SLC25A26: variants seen among roughly 807,000 people sequenced by gnomAD.
SLC25A26 encodes the protein solute carrier family 25 member 26, also known as mitochondrial S-adenosylmethionine carrier protein.
Under a neutral mutation model 37.8 loss-of-function variants are expected in SLC25A26, and 36 were observed. The observed-to-expected ratio is 0.95, with a 90% confidence interval of 0.73 to 1.26. The LOEUF is 1.26. Among genes scored for constraint, SLC25A26 ranks in the 50% most tolerant of loss-of-function variants. SLC25A26 has a pLI of 0.00. For synonymous variants in SLC25A26, 129 were observed against 122.5 expected, an observed-to-expected ratio of 1.05 and a Z score of -0.35; for missense variants, 390 against 331.1, an observed-to-expected ratio of 1.18 and a Z score of -1.38.
chr3:66,165,438 T>C (rs2070412612), intron 1 of SLC25A26, among the ~76,000 whole-genome samples: 1 of 152,198 alleles, frequency 6.6e-6, no homozygotes, highest in South Asian at 2.1e-4. Flanking sequence ...CCATAGATAA[T>C]GAATACAGAG....
chr3:66,317,289 G>A (rs2075566230), intron 5 of SLC25A26, among the ~76,000 whole-genome samples: 1 of 152,154 alleles, frequency 6.6e-6, no homozygotes, highest in Non-Finnish European at 1.5e-5. Flanking sequence ...TGGGGTTTGT[G>A]TGGGTCTTTT....
chr3:66,286,535 A>G (rs1013797146), intron 5 of SLC25A26, among the ~76,000 whole-genome samples: 1 of 152,098 alleles, frequency 6.6e-6, no homozygotes, highest in Non-Finnish European at 1.5e-5. Flanking sequence ...TGGAAGAAAT[A>G]TATATATTAA....
At chr3:66,367,994 C>G (rs2076862562) in intron 7 of SLC25A26, among the ~76,000 whole-genome samples, 1 of 152,162 alleles carries the variant, frequency 6.6e-6, no homozygotes, top group African/African-American at 2.4e-5. Flanking sequence ...GTGTGACATT[C>G]AGGGGTAACC....
chr3:66,135,576 T>C (rs1426175769), intron 1 of SLC25A26, among the ~76,000 whole-genome samples: 1 of 152,214 alleles, frequency 6.6e-6, no homozygotes, highest in African/African-American at 2.4e-5. Context: ...GAGACCAGAC[T>C]GGGCAACAAA....
At chr3:66,195,348 G>C (rs1338813992) in intron 1 of SLC25A26, among the ~76,000 whole-genome samples, 1 of 152,220 alleles carries the variant, frequency 6.6e-6, no homozygotes, top group Non-Finnish European at 1.5e-5. Flanking sequence ...TCCAGGTGCA[G>C]CTGCTGCCAA....
intron 5 of SLC25A26, among the ~76,000 whole-genome samples, chr3:66,327,259 C>T (rs924060965): frequency 2.6e-5 from 4 of 152,050 alleles, no homozygotes; most frequent in East Asian, 1.9e-4. Context: ...AAAGAAAGGC[C>T]GTTAATATTC....
At chr3:66,233,976 G>A (rs1442662852) in intron 1 of SLC25A26, among the ~76,000 whole-genome samples, 1 of 152,200 alleles carries the variant, frequency 6.6e-6, no homozygotes, top group Non-Finnish European at 1.5e-5. Context: ...GAGAAAATTA[G>A]AGTGAAGTGC....
chr3:66,346,436 T>G (rs1177083136), intron 6 of SLC25A26, 28 bp downstream of exon 6: 2 of 1,277,908 alleles, frequency 1.6e-6, no homozygotes, highest in Non-Finnish European at 1.1e-6. Context: ...CACATAAAAT[T>G]TGTCTCTAAT....
At chr3:66,329,759 G>A (rs961459379) in intron 5 of SLC25A26, among the ~76,000 whole-genome samples, 1 of 152,028 alleles carries the variant, frequency 6.6e-6, no homozygotes, top group African/African-American at 2.4e-5. Context: ...ATGAGCTAGA[G>A]CCTTGCTCCA....
At position 66,168,823 on chromosome 3, in the gene SLC25A26, T is replaced by C. The variant is rs1270387668; in HGVS notation, c.-354+34839T>C. Reference sequence around the variant, plus strand: ...CATGCAGGTTTTCCTGATAGGGTATTTGATAATTGAAAAAATGGCCAGATA... The same window carrying C: ...CATGCAGGTTTTCCTGATAGGGTATCTGATAATTGAAAAAATGGCCAGATA... On this transcript the variant is annotated intron_variant, in intron 1 of 10. Coordinates refer to the SLC25A26 transcript ENST00000676754. 2.6e-5 allele frequency among the ~76,000 whole-genome samples: 4 copies of C among 152,320 alleles called. No homozygotes were observed. In the South Asian group the frequency reaches 8.3e-4, roughly 32 times the overall value.
intron 6 of SLC25A26, among the ~76,000 whole-genome samples, chr3:66,354,629 C>T (rs1481134341): frequency 6.6e-6 from 1 of 152,154 alleles, no homozygotes; most frequent in Non-Finnish European, 1.5e-5. Context: ...ACAAATTTCT[C>T]TGATACTTTT....
chr3:66,281,969 C>A (rs1194299385), intron 5 of SLC25A26, among the ~76,000 whole-genome samples: 1 of 149,730 alleles, frequency 6.7e-6, no homozygotes, highest in Non-Finnish European at 1.5e-5. Context: ...ATTACAGGCA[C>A]GCACCACCAC....
chr3:66,318,393 A>T (rs185474476), intron 5 of SLC25A26, among the ~76,000 whole-genome samples: 130 of 152,274 alleles, frequency 8.5e-4, no homozygotes, highest in African/African-American at 3.0e-3. Context: ...ACAATCCCTC[A>T]CTGCCTGCCT....
At chr3:66,243,381 T>G in intron 3 of SLC25A26, 69 bp downstream of exon 3, 1 of 727,430 alleles carries the variant, frequency 1.4e-6, no homozygotes. Flanking sequence ...CAGTACATAT[T>G]TATTTCATTT....
intron 5 of SLC25A26, among the ~76,000 whole-genome samples, chr3:66,284,534 C>T (rs1423284143): frequency 6.6e-6 from 1 of 152,044 alleles, no homozygotes; most frequent in Non-Finnish European, 1.5e-5. Flanking sequence ...ATATGCATAT[C>T]AATATTGTTT....
chr3:66,179,142 C>T (rs1436975324), intron 1 of SLC25A26, among the ~76,000 whole-genome samples: 5 of 152,190 alleles, frequency 3.3e-5, no homozygotes, highest in Admixed American at 6.5e-5. Context: ...CTCTCTTACG[C>T]GTTTTAAAGT....
chr3:66,359,992 G>A (rs1246413533), intron 6 of SLC25A26, among the ~76,000 whole-genome samples: 1 of 152,200 alleles, frequency 6.6e-6, no homozygotes, highest in East Asian at 1.9e-4. Flanking sequence ...AGAGGGAAAT[G>A]TTGGTCCTCA....
chr3:66,332,471 A>G (rs968663153), intron 5 of SLC25A26, among the ~76,000 whole-genome samples: 1 of 152,174 alleles, frequency 6.6e-6, no homozygotes, highest in African/African-American at 2.4e-5. Flanking sequence ...CATAAAACTA[A>G]AGCACTTTTT....
At chr3:66,149,751 A>G (rs1696593305) in intron 1 of SLC25A26, among the ~76,000 whole-genome samples, 1 of 152,204 alleles carries the variant, frequency 6.6e-6, no homozygotes, top group African/African-American at 2.4e-5. Context: ...AGATAACTAT[A>G]TAATTTATCC....
Sources: allele counts gnomAD v4.1 joint callset (sites outside exome capture counted in the v4.1 genomes callset), GRCh38; gene constraint gnomAD v4.1.1; transcripts MANE v1.5; gene names NCBI Gene and HGNC (gene_info 2026-07-23, HGNC 2026-07-21).